NECAB1: variants seen among roughly 807,000 people sequenced by gnomAD.
NECAB1 encodes the protein N-terminal EF-hand calcium-binding protein 1.
A neutral mutation model predicts 57.5 loss-of-function variants in NECAB1; 29 were observed. The observed-to-expected ratio is 0.50, with a 90% CI of 0.38 to 0.69. The LOEUF is 0.69. Among genes scored for constraint, NECAB1 ranks in the 30% least tolerant of loss-of-function variants. NECAB1 has a pLI of 0.00. For synonymous variants in NECAB1, 142 were observed against 147.7 expected, an observed-to-expected ratio of 0.96 and a Z score of 0.28; for missense variants, 372 against 413.8, an observed-to-expected ratio of 0.90 and a Z score of 0.88.
intron 5 of NECAB1, among the ~76,000 whole-genome samples, chr8:90,887,632 T>G (rs1809039100): frequency 6.6e-6 from 1 of 152,090 alleles, no homozygotes; most frequent in Non-Finnish European, 1.5e-5. Flanking sequence ...AAGGTGAGAC[T>G]CAAATGAGTC....
intron 10 of NECAB1, 63 bp from the exon 11 acceptor site, chr8:90,949,744 A>G: frequency 1.1e-6 from 1 of 925,702 alleles, no homozygotes; most frequent in South Asian, 1.5e-5. Context: ...TATGGATATT[A>G]GAAAAGTTAG....
At chr8:90,885,757 G>T (rs1332070013) in intron 5 of NECAB1, among the ~76,000 whole-genome samples, 1 of 152,032 alleles carries the variant, frequency 6.6e-6, no homozygotes, top group Non-Finnish European at 1.5e-5. Flanking sequence ...TGCAGCTGTA[G>T]GTTCTATCAT....
chr8:90,898,679 A>AG (rs1235336114), intron 5 of NECAB1, among the ~76,000 whole-genome samples: 1 of 152,190 alleles, frequency 6.6e-6, no homozygotes, highest in Admixed American at 6.5e-5. Context: ...GTGTTTATTG[A>AG]GAAAGAGACA....
chr8:90,869,200 T>C (rs1808574077), intron 3 of NECAB1, among the ~76,000 whole-genome samples: 1 of 152,206 alleles, frequency 6.6e-6, no homozygotes, highest in South Asian at 2.1e-4. Context: ...TGAATGGAAA[T>C]GCCTGGATAT....
chr8:90,859,810 T>C (rs1186953784), intron 3 of NECAB1, among the ~76,000 whole-genome samples: 1 of 152,102 alleles, frequency 6.6e-6, no homozygotes, highest in African/African-American at 2.4e-5. Flanking sequence ...GTAATAAATA[T>C]ATATTTAATA....
chr8:90,869,021 G>C (rs1401711831), intron 3 of NECAB1, among the ~76,000 whole-genome samples: 1 of 152,196 alleles, frequency 6.6e-6, no homozygotes, highest in Non-Finnish European at 1.5e-5. Flanking sequence ...CATCTTGGCC[G>C]CAGCTGCTCC....
At chr8:90,888,588 A>G (rs1418226868) in intron 5 of NECAB1, among the ~76,000 whole-genome samples, 6 of 152,204 alleles carry the variant, frequency 3.9e-5, no homozygotes, top group African/African-American at 1.4e-4. Flanking sequence ...GTTCTTTCCC[A>G]TTTTTATTTA....
chr8:90,952,684 G>A (rs1239357109), intron 12 of NECAB1, among the ~76,000 whole-genome samples: 2 of 152,058 alleles, frequency 1.3e-5, no homozygotes, highest in Non-Finnish European at 2.9e-5. Context: ...GGCTGAGGCA[G>A]GAGAATTGCT....
intron 1 of NECAB1, among the ~76,000 whole-genome samples, chr8:90,794,828 C>T (rs73311099): frequency 0.12 from 18,112 of 152,200 alleles, 1,642 homozygotes; most frequent in African/African-American, 0.25. Context: ...GTAGCTAAAT[C>T]CACAAACTGA....
rs1022509196 is a variant in NECAB1, at chr8:90,802,388, G to A, written c.124+673G>A. On this transcript the variant is annotated intron_variant, in intron 2 of 12. Coordinates refer to ENST00000417640, the MANE Select transcript of NECAB1 (RefSeq NM_022351.5). ...TAAGTTGTCATAAGCAGTATCTTTC[G>A]ACTCTATTATTCCACTAGAAACTTT... Among the ~76,000 whole-genome samples, 17 of 152,318 alleles carry A rather than the reference G, an allele frequency of 1.1e-4. No homozygotes were observed. The East Asian group carries it at 1.2e-3, about 10-fold the overall frequency.
intron 4 of NECAB1, among the ~76,000 whole-genome samples, chr8:90,879,274 G>A (rs1416731148): frequency 3.4e-5 from 5 of 146,108 alleles, no homozygotes; most frequent in East Asian, 2.0e-4. Context: ...CTGCAGCCTC[G>A]ACTTCCCAGG....
At chr8:90,831,855 A>G (rs1176725004) in intron 3 of NECAB1, among the ~76,000 whole-genome samples, 1 of 152,144 alleles carries the variant, frequency 6.6e-6, no homozygotes, top group African/African-American at 2.4e-5. Context: ...ATTCTCACAT[A>G]CTGTGCTACA....
At chr8:90,840,946 T>C (rs1812443603) in intron 3 of NECAB1, among the ~76,000 whole-genome samples, 2 of 107,634 alleles carry the variant, frequency 1.9e-5, no homozygotes, top group Non-Finnish European at 4.0e-5. Context: ...GTGGTAAATC[T>C]ATTCAAAAAA....
At chr8:90,800,419 T>C (rs980778084) in intron 1 of NECAB1, among the ~76,000 whole-genome samples, 1 of 152,184 alleles carries the variant, frequency 6.6e-6, no homozygotes, top group Non-Finnish European at 1.5e-5. Flanking sequence ...AGGAGATGCT[T>C]CCAGCTTTTG....
At position 90,814,668 on chromosome 8, in the gene NECAB1, G is replaced by A. The variant is rs185649845; in HGVS notation, c.125-10049G>A. Among the ~76,000 whole-genome samples, 3 of 152,004 alleles carry A rather than the reference G, an allele frequency of 2.0e-5. No individual in the cohort carries two copies. In the East Asian group the frequency reaches 5.8e-4, roughly 29 times the overall value. ...TTGGCCATTGGGAGCTCTTTTAGTT[G>A]ACTACTGTGTTCCTTTGACATACCC... On this transcript the variant is annotated intron_variant, in intron 2 of 12. Transcript: ENST00000417640.
intron 3 of NECAB1, among the ~76,000 whole-genome samples, chr8:90,848,408 T>G (rs1812609102): frequency 6.6e-6 from 1 of 152,190 alleles, no homozygotes; most frequent in African/African-American, 2.4e-5. Context: ...CTCTTACAAC[T>G]TCTGCCTGTT....
In NECAB1 at chr8:90,813,234, T is replaced by TATACAC. The variant is rs1243012126; in HGVS notation, c.125-11482_125-11481insTACACA. 5 of 85,532 alleles carry TATACAC rather than the reference T, an allele frequency of 5.8e-5. No individual in the cohort carries two copies. In the South Asian group the frequency reaches 1.1e-3, roughly 19 times the overall value. 5.3% of individuals were successfully genotyped at this position (85,532 alleles called of 1,614,324 possible). A position where few individuals can be genotyped will look rare whatever the true frequency, so the allele number is the denominator to read the frequency against. ...AAATAAATATATATATATGTATATA[T>TATACAC]ACACACACACACACACACACACACA... On this transcript the variant is annotated intron_variant, in intron 2 of 12. Coordinates refer to ENST00000417640, the MANE Select transcript of NECAB1 (RefSeq NM_022351.5).
chr8:90,925,013 T>C lies in NECAB1; in HGVS notation c.495-522T>C, dbSNP rs1810225606. Among the ~76,000 whole-genome samples, 4 of 151,894 alleles carry C rather than the reference T, an allele frequency of 2.6e-5. No homozygotes were observed. The South Asian group carries it at 6.2e-4, about 24-fold the overall frequency. ...CATATGCTACTTTCATATCATAACA[T>C]ATACTCATATGAAAGTAAACACCTG... On this transcript the variant is annotated intron_variant, in intron 6 of 12. Transcript: ENST00000417640.
At chr8:90,884,051 A>G (rs1475288270) in intron 5 of NECAB1, among the ~76,000 whole-genome samples, 1 of 152,204 alleles carries the variant, frequency 6.6e-6, no homozygotes. Context: ...GAAGAATGGC[A>G]TTCTTAAAAT....
Sources: gnomAD v4.1 joint callset for allele counts (sites outside exome capture counted in the v4.1 genomes callset) on GRCh38, gnomAD v4.1.1 for gene constraint, MANE v1.5 for transcripts, NCBI Gene and HGNC (gene_info 2026-07-23, HGNC 2026-07-21) for gene names.